The following ZFP36L1 variants were observed in gnomAD, a reference collection of about 807,000 sequenced individuals.
ZFP36L1 encodes the protein ZFP36 like 1 zinc finger CCCH-type.
In ZFP36L1, 4 loss-of-function variants were observed where a neutral mutation model predicts 16.7. The ratio of observed to expected loss-of-function variants is 0.24; its 90% CI spans 0.12 to 0.55. The LOEUF (loss-of-function observed/expected upper bound fraction) is 0.55. Among genes scored for constraint, ZFP36L1 ranks in the 20% least tolerant of loss-of-function variants. The pLI is 0.94. For missense variants in ZFP36L1, 311 were observed against 449.2 expected (o/e 0.69, Z 2.78); for synonymous variants, 220 against 190.8 (o/e 1.15, Z -1.26).
At chr14:68,792,297 C>T in intron 1 of ZFP36L1, among the ~76,000 whole-genome samples, 1 of 152,174 alleles carries the variant, frequency 6.6e-6, no homozygotes, top group Non-Finnish European at 1.5e-5. Context: ...TCGGCTATCG[C>T]GGGAAGAAGC....
chr14:68,790,310 G>C lies in ZFP36L1; in HGVS notation c.240C>G (p.Ser80Arg). The part of the protein sequence containing the change: ...SLKGEPAPAL[S>R]SRDSRFRDRS... ...GGTCTCGGAAGCGGCTGTCTCGCGA[G>C]CTCAGAGCGGGGGCTGGCTCACCCT... Residue 80 changes from serine to arginine, a missense_variant, in exon 2 of 2, where the codon AGC becomes AGG. Coordinates refer to ENST00000439696, the MANE Select transcript of ZFP36L1 (RefSeq NM_004926.4). 1.2e-6 allele frequency: 2 copies of C among 1,609,946 alleles called. No homozygotes were observed. Among genetic ancestry groups the C allele is most frequent in the Non-Finnish European group, 1.7e-6 (2 of 1,178,984 alleles).
At position 68,789,450 on chromosome 14, in the gene ZFP36L1, T is replaced by A. The variant is rs1045967864; in HGVS notation, c.*83A>T. 69 of 1,582,500 alleles carry A rather than the reference T, an allele frequency of 4.4e-5. No individual in the cohort carries two copies. In the African/African-American group the frequency reaches 8.3e-4, roughly 19 times the overall value. Reference sequence around the variant, plus strand: ...TTGTTAATGTAGGGCCTGTGGGGAATGGGATGGGTAGGGAGAAGAGGGTAT... The same window carrying A: ...TTGTTAATGTAGGGCCTGTGGGGAAAGGGATGGGTAGGGAGAAGAGGGTAT... On this transcript the variant is annotated 3_prime_UTR_variant, in exon 2 of 2. Transcript: ENST00000439696. This position sits in a 1 kb window ranked among gnomAD's most constrained non-coding sequence, Gnocchi z 4.5.
chr14:68,792,033 T>G, intron 1 of ZFP36L1, among the ~76,000 whole-genome samples: 1 of 152,202 alleles, frequency 6.6e-6, no homozygotes, highest in East Asian at 1.9e-4. Context: ...CATAGACTTT[T>G]GCTATGTACA....
At chr14:68,792,821 G>A (rs927091214) in intron 1 of ZFP36L1, 61 bp downstream of exon 1, 10 of 1,609,866 alleles carry the variant, frequency 6.2e-6, no homozygotes, top group Middle Eastern at 1.7e-4. Flanking sequence ...ACTTTTGGGG[G>A]TTCTTTCTTA....
At chr14:68,793,341 G>A, upstream of ZFP36L1, 3 of 1,010,662 alleles carry the variant, frequency 3.0e-6, no homozygotes, top group East Asian at 9.7e-5. Context: ...TCTTTAAGAG[G>A]AAAAGTTTCA....
At chr14:68,792,326 A>G (rs540195207) in intron 1 of ZFP36L1, among the ~76,000 whole-genome samples, 1 of 152,280 alleles carries the variant, frequency 6.6e-6, no homozygotes, top group African/African-American at 2.4e-5. Context: ...GCTAGGGCGG[A>G]CTCAAGCCCC....
At chr14:68,793,113 G>A (rs1895151106), upstream of ZFP36L1, 1 of 1,494,608 alleles carries the variant, frequency 6.7e-7, no homozygotes, top group Non-Finnish European at 8.9e-7. Context: ...AGATTTGGTG[G>A]GCCGGGGGGA....
chr14:68,793,130 G>C, upstream of ZFP36L1: 4 of 1,288,094 alleles, frequency 3.1e-6, no homozygotes, highest in South Asian at 5.5e-5. Context: ...GGGAGGAGGA[G>C]CTTTAAACTT....
intron 1 of ZFP36L1, among the ~76,000 whole-genome samples, chr14:68,792,292 T>G: frequency 6.6e-6 from 1 of 151,524 alleles, no homozygotes; most frequent in Non-Finnish European, 1.5e-5. Context: ...CACGATCGGC[T>G]ATCGCGGGAA....
At chr14:68,794,740 T>G (rs563262639), upstream of ZFP36L1, 9 of 152,480 alleles carry the variant, frequency 5.9e-5, no homozygotes, top group Admixed American at 2.0e-4. Context: ...AACACACACT[T>G]TTTTTTAAAA....
intron 1 of ZFP36L1, 72 bp from the exon 2 acceptor site, chr14:68,790,564 A>G (rs1895042903): frequency 1.9e-6 from 3 of 1,576,084 alleles, no homozygotes; most frequent in Non-Finnish European, 2.6e-6. Flanking sequence ...GCAGCCCCCT[A>G]CACAATCACA....
Position 68,790,306 on chromosome 14 carries a change from G to T in ZFP36L1, c.244C>A (p.Arg82=). The change falls in exon 2 of 2, where the codon CGA becomes AGA. Residue 82 remains arginine, a synonymous_variant. Coordinates refer to ENST00000439696, the MANE Select transcript of ZFP36L1 (RefSeq NM_004926.4). ...GAGCGGTCTCGGAAGCGGCTGTCTC[G>T]CGAGCTCAGAGCGGGGGCTGGCTCA... The part of the protein sequence containing the change: ...KGEPAPALSS[R]DSRFRDRSFS... 6.2e-7 allele frequency: 1 copy of T among 1,609,778 alleles called. No individual in the cohort carries two copies. Among genetic ancestry groups the T allele is most frequent in the Admixed American group, 1.7e-5 (1 of 59,994 alleles).
Position 68,789,651 on chromosome 14 carries a change from G to A in ZFP36L1, c.899C>T (p.Ser300Leu), listed in dbSNP as rs779953923. The change falls in exon 2 of 2, where the codon TCG becomes TTG. Residue 300 changes from serine to leucine, a missense_variant. Physicochemically the swap from Ser to Leu is moderately radical, Grantham distance 145. Coordinates refer to ENST00000439696, the MANE Select transcript of ZFP36L1 (RefSeq NM_004926.4). The surrounding 1 kb of genome is among the most constrained non-coding windows in gnomAD (Gnocchi z 4.5). ...DSPPSPQDSL[S>L]DQEGYLSSSS... Reference sequence around the variant, plus strand: ...GCTGCTCAGGTAGCCCTCCTGGTCCGAGAGAGAATCCTGAGGGCTGGGGGG... The same window carrying A: ...GCTGCTCAGGTAGCCCTCCTGGTCCAAGAGAGAATCCTGAGGGCTGGGGGG... The A allele has an allele frequency of 2.5e-6, 4 of 1,613,904 alleles. No homozygotes were observed. The highest frequency in any genetic ancestry group is 1.7e-5 in the Admixed American group (1 of 60,024).
upstream of ZFP36L1, chr14:68,793,315 A>G (rs1341535691): frequency 9.9e-7 from 1 of 1,012,992 alleles, no homozygotes. Flanking sequence ...AGCCGCGCAC[A>G]ACTTTTTTTT....
chr14:68,793,833 A>G (rs903744295), upstream of ZFP36L1: 4 of 975,940 alleles, frequency 4.1e-6, no homozygotes, highest in South Asian at 4.9e-5. Flanking sequence ...CCAGGAGGAC[A>G]TGGTCTGGCG....
At chr14:68,790,883 G>A (rs1234632269) in intron 1 of ZFP36L1, 8 of 326,130 alleles carry the variant, frequency 2.5e-5, no homozygotes, top group African/African-American at 4.9e-5. Context: ...GCCACCGCCC[G>A]CGACAAAAAC....
rs1179346628 is a variant in ZFP36L1, at chr14:68,789,878, C to T, written c.672G>A (p.Thr224=). The T allele has an allele frequency of 1.2e-6, 2 of 1,610,404 alleles. No homozygotes were observed. The highest frequency in any genetic ancestry group is 1.3e-5 in the African/African-American group (1 of 75,036). The part of the protein sequence containing the change: ...AAATGLLDSP[T]SITPPPILSA... ...TCAGAATAGGGGGTGGGGTGATGGA[C>T]GTGGGGCTGTCCAGCAGCCCGGTGG... Residue 224 remains threonine (T), a synonymous_variant, in exon 2 of 2, where the codon ACG becomes ACA. Transcript: ENST00000439696. This position sits in a 1 kb window ranked among gnomAD's most constrained non-coding sequence, Gnocchi z 4.5.
chr14:68,790,013 A>G lies in ZFP36L1; in HGVS notation c.537T>C (p.Ala179=), dbSNP rs1223868591. The change falls in exon 2 of 2, where the codon GCT becomes GCC. Residue 179 remains alanine (A), a synonymous_variant. Transcript: ENST00000439696. ...YGPRCHFIHN[A]EERRALAGAR... ...CCCCGGCCAGGGCACGGCGCTCTTC[A>G]GCGTTGTGGATGAAGTGGCAGCGGG... The G allele has an allele frequency of 6.2e-7, 1 of 1,609,450 alleles. No individual in the cohort carries two copies. The highest frequency in any genetic ancestry group is 8.5e-7 in the Non-Finnish European group (1 of 1,178,384).
Position 68,788,673 on chromosome 14 carries a change from T to G in ZFP36L1, c.*860A>C, listed in dbSNP as rs940543573. On this transcript the variant is annotated 3_prime_UTR_variant, in exon 2 of 2. Transcript: ENST00000439696. Reference sequence around the variant, plus strand: ...GATGTCACATATGAACTGGGGAACTTTAGCACCAAAATCAAGTCTCTCCTA... The same window carrying G: ...GATGTCACATATGAACTGGGGAACTGTAGCACCAAAATCAAGTCTCTCCTA... The G allele has an allele frequency of 2.0e-5, 3 of 152,434 alleles. No individual in the cohort carries two copies. The highest frequency in any genetic ancestry group is 4.4e-5 in the Non-Finnish European group (3 of 68,008). 9.4% of individuals were successfully genotyped at this position (152,434 alleles called of 1,614,324 possible).
Sources: allele counts gnomAD v4.1 joint callset (sites outside exome capture counted in the v4.1 genomes callset), GRCh38; gene constraint gnomAD v4.1.1; non-coding constraint Gnocchi (gnomAD v3.1); transcripts MANE v1.5; gene names NCBI Gene and HGNC (gene_info 2026-07-23, HGNC 2026-07-21).